The following P4HA3 variants were observed in gnomAD, a reference collection of about 807,000 sequenced individuals.
P4HA3 encodes prolyl 4-hydroxylase subunit alpha 3, also known as prolyl 4-hydroxylase subunit alpha-3.
Under a neutral mutation model 66.7 loss-of-function variants are expected in P4HA3, and 60 were observed. That is an observed-to-expected ratio of 0.90 (90% CI 0.73 to 1.12). The LOEUF (loss-of-function observed/expected upper bound fraction) is 1.12, where lower values mean the gene tolerates loss of function less well. Ranked by LOEUF, P4HA3 falls within the 50% of genes most tolerant of loss-of-function variation. The pLI is 0.00. For synonymous variants in P4HA3, 263 were observed against 274.6 expected (o/e 0.96, Z 0.42); for missense variants, 683 against 685.8 (o/e 1.00, Z 0.05).
chr11:74,303,206 C>G (rs1455336677), intron 2 of P4HA3, among the ~76,000 whole-genome samples: 1 of 152,002 alleles, frequency 6.6e-6, no homozygotes, highest in Non-Finnish European at 1.5e-5. Flanking sequence ...CCTTCCAACT[C>G]AAGCTCCCAA....
In P4HA3 at chr11:74,266,956, G is replaced by A; in HGVS notation, c.*292C>T. 1.4e-6 allele frequency: 2 copies of A among 1,383,460 alleles called. No homozygotes were observed. The highest frequency in any genetic ancestry group is 1.9e-6 in the Non-Finnish European group (2 of 1,038,910). 85.7% of individuals were successfully genotyped at this position (1,383,460 alleles called of 1,614,324 possible). On this transcript the variant is annotated 3_prime_UTR_variant, in exon 13 of 13. Coordinates refer to ENST00000331597, the MANE Select transcript of P4HA3 (RefSeq NM_182904.5). ...GAACCTGAGACTGTTGAGATGTCCT[G>A]TTCCCAACAGAGAGTATCTGAACTC...
chr11:74,285,987 T>C lies in P4HA3; in HGVS notation c.934-2A>G. The C allele has an allele frequency of 6.2e-7, 1 of 1,603,252 alleles. No homozygotes were observed. The stretch of plus-strand genomic sequence containing the variant: ...GCTAGGGATCTGGTAGAGAGTGGGC[T>C]GGAAGGAAAGAATAGGATGAGCATA... On this transcript the variant is annotated splice_acceptor_variant, in intron 6 of 12. Coordinates refer to ENST00000331597, the MANE Select transcript of P4HA3 (RefSeq NM_182904.5). LOFTEE classifies it high-confidence loss of function.
At chr11:74,254,371 C>T (rs918505553) in intron 15 of P4HA3, 1 of 152,824 alleles carries the variant, frequency 6.5e-6, no homozygotes, top group Non-Finnish European at 1.5e-5. Context: ...CTCTTCAAAC[C>T]TACAGCTTCT....
At chr11:74,310,600 C>T (rs907596477) in intron 1 of P4HA3, among the ~76,000 whole-genome samples, 1 of 152,220 alleles carries the variant, frequency 6.6e-6, no homozygotes, top group East Asian at 1.9e-4. Flanking sequence ...CCAAACTCCT[C>T]GAGGGCAGAG....
intron 1 of P4HA3, among the ~76,000 whole-genome samples, chr11:74,304,744 T>C (rs1255536719): frequency 6.6e-6 from 1 of 152,196 alleles, no homozygotes; most frequent in African/African-American, 2.4e-5. Flanking sequence ...TCACTGTATA[T>C]GCAATACTTA....
chr11:74,274,572 C>A (rs1013157032), intron 9 of P4HA3, among the ~76,000 whole-genome samples: 8 of 152,066 alleles, frequency 5.3e-5, no homozygotes, highest in African/African-American at 1.9e-4. Context: ...CTTGGCCTCC[C>A]AAAGTGCTGG....
At chr11:74,253,726 G>A in intron 15 of P4HA3, 2 of 618,496 alleles carry the variant, frequency 3.2e-6, no homozygotes, top group Non-Finnish European at 5.8e-6. Context: ...CCCAGTCCAG[G>A]GCTCCCCTGC....
chr11:74,251,718 A>G (rs768282830), intron 15 of P4HA3: 1 of 1,613,940 alleles, frequency 6.2e-7, no homozygotes, highest in South Asian at 1.1e-5. Flanking sequence ...TTCCAGTGGT[A>G]AGGCGGGTAC....
Position 74,269,692 on chromosome 11 carries a change from G to T in P4HA3, c.1427C>A (p.Thr476Lys), listed in dbSNP as rs746182997. Residue 476 changes from threonine to lysine, a missense_variant, in exon 11 of 13, where the codon ACA (threonine) becomes AAA (lysine). Physicochemically the swap from Thr to Lys is moderately conservative, Grantham distance 78. Coordinates refer to ENST00000331597, the MANE Select transcript of P4HA3 (RefSeq NM_182904.5). Reference protein sequence around the residue: ...YLSSVEAGGATAFIYANLSVP... With the variant: ...YLSSVEAGGAKAFIYANLSVP... The stretch of plus-strand genomic sequence containing the variant: ...GCTGAGGTTGGCATAGATGAAGGCT[G>T]TGGCTCCTCCAGCTTCCACCGAGCT... 3 of 1,613,972 alleles carry T rather than the reference G, an allele frequency of 1.9e-6. No individual in the cohort carries two copies. The highest frequency in any genetic ancestry group is 1.6e-4 in the Middle Eastern group (1 of 6,062).
Position 74,311,424 on chromosome 11 carries a change from C to G in P4HA3, c.188G>C (p.Arg63Pro). 6.5e-7 allele frequency: 1 copy of G among 1,529,234 alleles called. No homozygotes were observed. The allele number at this position is 1,529,234 out of a possible 1,614,324, so 94.7% of individuals were successfully genotyped here. A position where few individuals can be genotyped will look rare whatever the true frequency, so the allele number is the denominator to read the frequency against. ...GTCGTGCCCTCACCTAGTCAGGTCC[C>G]GCAGCCGCGCCTCCTCCCCGCGCAG... ...RYLRGEEARL[R>P]DLTRFYDKVL... Residue 63 changes from arginine to proline, a missense_variant, in exon 1 of 13, where the codon CGG becomes CCG. Transcript: ENST00000331597.
At chr11:74,304,557 A>C in intron 1 of P4HA3, 145 bp from the exon 2 acceptor site, 1 of 918,746 alleles carries the variant, frequency 1.1e-6, no homozygotes, top group Non-Finnish European at 1.6e-6. Context: ...CCAAAAAGCC[A>C]TGCAAGCCCA....
chr11:74,283,420 T>C (rs559566671), intron 7 of P4HA3, among the ~76,000 whole-genome samples: 6 of 152,318 alleles, frequency 3.9e-5, no homozygotes, highest in Admixed American at 2.6e-4. Context: ...GCAAAGATTC[T>C]AGACTTTCCT....
At chr11:74,253,641 C>T (rs1859761919) in intron 15 of P4HA3, 4 of 1,022,554 alleles carry the variant, frequency 3.9e-6, no homozygotes, top group Non-Finnish European at 4.6e-6. Context: ...AGACGGGCAC[C>T]CCGAGATGTA....
At chr11:74,268,305 T>A in intron 11 of P4HA3, 64 bp from the exon 12 acceptor site, 2 of 1,325,584 alleles carry the variant, frequency 1.5e-6, no homozygotes, top group Middle Eastern at 1.8e-4. Flanking sequence ...GGGAAGCACA[T>A]ACTAAGGACA....
intron 3 of P4HA3, among the ~76,000 whole-genome samples, chr11:74,299,143 G>C (rs1190210107): frequency 1.3e-5 from 2 of 152,202 alleles, no homozygotes; most frequent in Non-Finnish European, 2.9e-5. Flanking sequence ...GAACGCTATG[G>C]AAGCTCAATG....
rs192726498 is a variant in P4HA3, at chr11:74,292,547, A to T, written c.718-3417T>A. On this transcript the variant is annotated intron_variant, in intron 4 of 12. Coordinates refer to ENST00000331597, the MANE Select transcript of P4HA3 (RefSeq NM_182904.5). ...TTTTAATTGTGATGTTAGGGTGTCA[A>T]TTTTAGATCTTTCCTGCTTTCTCTT... Among the ~76,000 whole-genome samples, 197 of 152,030 alleles carry T rather than the reference A, an allele frequency of 1.3e-3. 2 individuals carry two copies. The highest frequency in any genetic ancestry group is 4.5e-3 in the African/African-American group (187 of 41,454).
downstream of P4HA3, among the ~76,000 whole-genome samples, chr11:74,261,941 G>A (rs1399464233): frequency 6.6e-6 from 1 of 152,190 alleles, no homozygotes; most frequent in Non-Finnish European, 1.5e-5. Context: ...GTCTTGAGCT[G>A]ACACTGACAC....
At chr11:74,279,288 C>A in intron 8 of P4HA3, 100 bp downstream of exon 8, 1 of 1,085,716 alleles carries the variant, frequency 9.2e-7, no homozygotes, top group Non-Finnish European at 1.4e-6. Flanking sequence ...AGGGATTCTC[C>A]ACCTCTGGAG....
chr11:74,307,374 C>T (rs200136109), intron 1 of P4HA3, among the ~76,000 whole-genome samples: 118 of 152,230 alleles, frequency 7.8e-4, no homozygotes, highest in Non-Finnish European at 1.4e-3. Context: ...AATATTTGCC[C>T]CAAGTCATGC....
Sources: gnomAD v4.1 joint callset for allele counts (sites outside exome capture counted in the v4.1 genomes callset) on GRCh38, gnomAD v4.1.1 for gene constraint, MANE v1.5 for transcripts, NCBI Gene and HGNC (gene_info 2026-07-23, HGNC 2026-07-21) for gene names.